HERC6: variants seen among roughly 807,000 people sequenced by gnomAD.
HERC6 encodes probable E3 ubiquitin-protein ligase HERC6.
Under a neutral mutation model 114.5 loss-of-function variants are expected in HERC6, and 101 were observed. That is an observed-to-expected ratio of 0.88 (90% CI 0.75 to 1.04). The LOEUF (loss-of-function observed/expected upper bound fraction) is 1.04, where lower values mean the gene tolerates loss of function less well. Among genes scored for constraint, HERC6 ranks in the 50% least tolerant of loss-of-function variants. The pLI, the probability that HERC6 is intolerant of heterozygous loss-of-function variation, is 0.00. For synonymous variants in HERC6, 408 were observed against 436.2 expected, an observed-to-expected ratio of 0.94 and a Z score of 0.81; for missense variants, 1,133 against 1,230.9, an observed-to-expected ratio of 0.92 and a Z score of 1.19.
chr4:88,403,846 T>A (rs886668631), intron 8 of HERC6, among the ~76,000 whole-genome samples: 2 of 152,064 alleles, frequency 1.3e-5, no homozygotes, highest in African/African-American at 4.8e-5. Flanking sequence ...TGTGGTAAAA[T>A]ATATATAAAT....
chr4:88,399,264 G>A (rs1735412798), intron 8 of HERC6: 1 of 152,192 alleles, frequency 6.6e-6, no homozygotes, highest in Non-Finnish European at 1.5e-5. Flanking sequence ...AGGTTTCTGT[G>A]CTGTTGGGAT....
chr4:88,384,577 C>G (rs1217141105), intron 2 of HERC6, among the ~76,000 whole-genome samples: 1 of 152,146 alleles, frequency 6.6e-6, no homozygotes, highest in African/African-American at 2.4e-5. Context: ...CCTCTTGTTA[C>G]CTCTTCTGGT....
chr4:88,421,189 C>A (rs1404244067), intron 13 of HERC6, among the ~76,000 whole-genome samples: 1 of 152,130 alleles, frequency 6.6e-6, no homozygotes, highest in Non-Finnish European at 1.5e-5. Context: ...ATCCCTTCCT[C>A]AATTGATGGA....
intron 12 of HERC6, among the ~76,000 whole-genome samples, chr4:88,415,172 G>GT: frequency 6.6e-6 from 1 of 152,264 alleles, no homozygotes; most frequent in East Asian, 1.9e-4. Context: ...TATTATTTCT[G>GT]TTTTTAATGG....
chr4:88,424,487 A>C, intron 14 of HERC6, 108 bp from the exon 15 acceptor site: 1 of 832,026 alleles, frequency 1.2e-6, no homozygotes, highest in Non-Finnish European at 1.9e-6. Context: ...TTAAAAAAAC[A>C]AAGAACCACA....
intron 11 of HERC6, among the ~76,000 whole-genome samples, chr4:88,409,844 G>C (rs1016641310): frequency 5.9e-5 from 9 of 152,170 alleles, no homozygotes; most frequent in African/African-American, 2.2e-4. Context: ...GTTTGAGCTG[G>C]TGGATGGGGT....
In HERC6 at chr4:88,383,345, G is replaced by T; in HGVS notation, c.324G>T (p.Gly108=). The change falls in exon 2 of 23, where the codon GGG becomes GGT. Residue 108 remains glycine (G), a synonymous_variant. Transcript: ENST00000264346. Reference sequence around the variant, plus strand: ...GAGCTGGTTCTGAAGGGCAGCTGGGGATTGGAGAATTCAAGGAAATAAGTT... The same window carrying T: ...GAGCTGGTTCTGAAGGGCAGCTGGGTATTGGAGAATTCAAGGAAATAAGTT... ...AWGAGSEGQL[G]IGEFKEISFT... 1 of 1,528,004 alleles carries T rather than the reference G, an allele frequency of 6.5e-7. No homozygotes were observed. The highest frequency in any genetic ancestry group is 8.8e-7 in the Non-Finnish European group (1 of 1,140,664). 94.7% of individuals were successfully genotyped at this position (1,528,004 alleles called of 1,614,324 possible).
rs751276183 is a variant in HERC6, at chr4:88,424,742, A to T, written c.1935+40A>T. 2.5e-6 allele frequency: 3 copies of T among 1,201,824 alleles called. No homozygotes were observed. In the East Asian group the frequency reaches 7.3e-5, roughly 29 times the overall value. 74.4% of individuals were successfully genotyped at this position (1,201,824 alleles called of 1,614,324 possible). On this transcript the variant is annotated intron_variant, in intron 15 of 22. Transcript: ENST00000264346. Reference sequence around the variant, plus strand: ...TTTTTTAGTATGAAAAATTTCAAACATATATAAAATAGAGATAGTGGTATA... The same window carrying T: ...TTTTTTAGTATGAAAAATTTCAAACTTATATAAAATAGAGATAGTGGTATA...
intron 1 of HERC6, 133 bp from the exon 2 acceptor site, chr4:88,383,088 G>C (rs1734398504): frequency 9.0e-7 from 1 of 1,106,336 alleles, no homozygotes; most frequent in Admixed American, 2.5e-5. Flanking sequence ...TTAAGGTCTT[G>C]ATTCAAAAGA....
At chr4:88,418,334 C>A (rs2148923079) in intron 13 of HERC6, among the ~76,000 whole-genome samples, 1 of 152,214 alleles carries the variant, frequency 6.6e-6, no homozygotes, top group East Asian at 1.9e-4. Context: ...CATAGAAAAA[C>A]CCTCCCTCAA....
chr4:88,411,614 T>C (rs1320016180), intron 11 of HERC6, among the ~76,000 whole-genome samples: 1 of 152,232 alleles, frequency 6.6e-6, no homozygotes, highest in African/African-American at 2.4e-5. Context: ...AACATAGATC[T>C]ATCAGGTAGA....
At position 88,390,879 on chromosome 4, in the gene HERC6, G is replaced by T. The variant is rs1341895257; in HGVS notation, c.664G>T (p.Val222Leu). Reference sequence around the variant, plus strand: ...GGCCCTCAGTGGGCGTAATGTCCCAGGTAAGGAGATAGTCTTGTTTGTGCA... The same window carrying T: ...GGCCCTCAGTGGGCGTAATGTCCCATGTAAGGAGATAGTCTTGTTTGTGCA... ...QLALSGRNVPVQSNKPLSVGA... is the reference protein window; with the variant it reads ...QLALSGRNVPLQSNKPLSVGA... Residue 222 changes from valine (V) to leucine (L), a missense_variant and splice_region_variant, in exon 4 of 23, where the codon GTG becomes TTG. Physicochemically the swap from Val to Leu is conservative, Grantham distance 32. Around this residue, in one of 3 missense-constraint regions of HERC6, gnomAD observed 735 missense variants for 754.0 expected, o/e 0.97. Transcript: ENST00000264346. 1.2e-6 allele frequency: 2 copies of T among 1,609,122 alleles called. No homozygotes were observed. Among genetic ancestry groups the T allele is most frequent in the Middle Eastern group, 1.7e-4 (1 of 6,018 alleles).
At chr4:88,403,718 C>T (rs1410548775) in intron 8 of HERC6, among the ~76,000 whole-genome samples, 2 of 151,948 alleles carry the variant, frequency 1.3e-5, no homozygotes, top group African/African-American at 2.4e-5. Flanking sequence ...CATGCCACTG[C>T]ACTCCAGCCT....
intron 2 of HERC6, among the ~76,000 whole-genome samples, chr4:88,384,580 C>T (rs529370728): frequency 5.9e-5 from 9 of 152,302 alleles, no homozygotes; most frequent in Non-Finnish European, 1.2e-4. Context: ...CTTGTTACCT[C>T]TTCTGGTCAT....
chr4:88,408,052 G>T lies in HERC6; in HGVS notation c.1275-472G>T, dbSNP rs150741616. 2.0e-5 allele frequency among the ~76,000 whole-genome samples: 3 copies of T among 152,348 alleles called. 1 individual carries two copies. Among genetic ancestry groups the T allele is most frequent in the African/African-American group, 7.2e-5 (3 of 41,580 alleles). ...CAAACTGTTGATGCTCTCCATTGAA[G>T]AGTTAAATGGGTCTTTCAAGAAGTT... On this transcript the variant is annotated intron_variant, in intron 10 of 22. Transcript: ENST00000264346.
intron 13 of HERC6, 97 bp downstream of exon 13, chr4:88,417,676 A>T (rs1297293769): frequency 1.0e-5 from 10 of 970,752 alleles, no homozygotes; most frequent in Non-Finnish European, 1.5e-5. Flanking sequence ...AATAAAAATC[A>T]TGAGGAGTCA....
intron 16 of HERC6, among the ~76,000 whole-genome samples, chr4:88,430,928 A>G (rs1738134080): frequency 1.3e-5 from 2 of 152,158 alleles, no homozygotes; most frequent in Admixed American, 1.3e-4. Context: ...GTCCCCCTTC[A>G]CTTGGTCCAT....
At position 88,436,017 on chromosome 4, in the gene HERC6, A is replaced by G. The variant is rs1738698972; in HGVS notation, c.2417+126A>G. On this transcript the variant is annotated intron_variant, in intron 18 of 22. Transcript: ENST00000264346. Reference sequence around the variant, plus strand: ...TCAATAATGTATGCTCTTGAGAGGAATTTGAATTTTAGCATGATTTATAAT... The same window carrying G: ...TCAATAATGTATGCTCTTGAGAGGAGTTTGAATTTTAGCATGATTTATAAT... 3.2e-5 allele frequency: 21 copies of G among 654,084 alleles called. No individual in the cohort carries two copies. In the South Asian group the frequency reaches 9.1e-4, roughly 28 times the overall value. 40.5% of individuals were successfully genotyped at this position (654,084 alleles called of 1,614,324 possible).
chr4:88,401,350 G>T (rs886735805), intron 8 of HERC6, among the ~76,000 whole-genome samples: 1 of 151,820 alleles, frequency 6.6e-6, no homozygotes, highest in Non-Finnish European at 1.5e-5. Flanking sequence ...AAAATTAGCC[G>T]GGTGTGGTGG....
Sources: allele counts gnomAD v4.1 joint callset (sites outside exome capture counted in the v4.1 genomes callset), GRCh38; gene constraint gnomAD v4.1.1; regional missense constraint gnomAD v4.1.1; transcripts MANE v1.5; gene names NCBI Gene and HGNC (gene_info 2026-07-23, HGNC 2026-07-21).